The following GRAMD2A variants were observed in gnomAD, a reference collection of about 807,000 sequenced individuals.
GRAMD2A encodes the protein GRAM domain-containing protein 2A.
In GRAMD2A, 37 loss-of-function variants were observed where a neutral mutation model predicts 51.1. The ratio of observed to expected loss-of-function variants is 0.72; its 90% confidence interval spans 0.56 to 0.95. The LOEUF (loss-of-function observed/expected upper bound fraction) is 0.95. GRAMD2A is among the 40% of genes least tolerant of loss of function. The pLI, the probability that GRAMD2A is intolerant of heterozygous loss-of-function variation, is 0.00. For missense variants in GRAMD2A, 414 were observed against 426.9 expected, an observed-to-expected ratio of 0.97 and a Z score of 0.27; for synonymous variants, 136 against 157.1, an observed-to-expected ratio of 0.87 and a Z score of 1.01.
At chr15:72,183,909 G>T (rs2081716432) in intron 1 of GRAMD2A, among the ~76,000 whole-genome samples, 1 of 152,208 alleles carries the variant, frequency 6.6e-6, no homozygotes, top group Non-Finnish European at 1.5e-5. Context: ...CTGGGCCGGT[G>T]ACTGCATCCC....
Position 72,170,535 on chromosome 15 carries a change from T to A in GRAMD2A, c.42-596A>T, listed in dbSNP as rs532948844. On this transcript the variant is annotated intron_variant, in intron 1 of 11. Coordinates refer to ENST00000309731, the MANE Select transcript of GRAMD2A (RefSeq NM_001012642.3). This position sits in a 1 kb window ranked among gnomAD's most constrained non-coding sequence, Gnocchi z 4.5. ...GCCACCTTGGACAGTCAGGACAGCT[T>A]GATGATGAGAGCCAAACCATCTCAA... Among the ~76,000 whole-genome samples the A allele has an allele frequency of 6.6e-6, 1 of 152,184 alleles. No individual in the cohort carries two copies. Among genetic ancestry groups the A allele is most frequent in the African/African-American group, 2.4e-5 (1 of 41,512 alleles).
At chr15:72,183,431 C>T (rs1185861936) in intron 1 of GRAMD2A, among the ~76,000 whole-genome samples, 2 of 152,042 alleles carry the variant, frequency 1.3e-5, no homozygotes, top group East Asian at 3.9e-4. Flanking sequence ...AGGAGAATGG[C>T]GTGAACACGG....
intron 1 of GRAMD2A, among the ~76,000 whole-genome samples, chr15:72,183,674 A>T (rs182130588): frequency 1.1e-4 from 16 of 152,340 alleles, no homozygotes; most frequent in Admixed American, 1.0e-3. Flanking sequence ...TACTAAAAAA[A>T]ATAAATAAAT....
chr15:72,162,026 A>G lies in GRAMD2A; in HGVS notation c.1062-14T>C. ...AGTGGCTGTTACCTGCACACAGGAA[A>G]GATGTCCACATCAGGGAAAGGGCCC... is the stretch of plus-strand genomic sequence containing the variant. On this transcript the variant is annotated splice_polypyrimidine_tract_variant and intron_variant, in intron 11 of 11. Transcript: ENST00000309731. The G allele has an allele frequency of 6.2e-7, 1 of 1,614,144 alleles. No individual in the cohort carries two copies. The highest frequency in any genetic ancestry group is 8.5e-7 in the Non-Finnish European group (1 of 1,180,010).
At chr15:72,187,967 C>T (rs1236689216) in intron 1 of GRAMD2A, among the ~76,000 whole-genome samples, 2 of 152,116 alleles carry the variant, frequency 1.3e-5, no homozygotes, top group African/African-American at 4.8e-5. Context: ...TATGTGTAGA[C>T]ACCTGTCACA....
intron 1 of GRAMD2A, 23 bp from the exon 2 acceptor site, chr15:72,169,962 C>G: frequency 7.6e-6 from 12 of 1,574,536 alleles, no homozygotes; most frequent in Non-Finnish European, 8.7e-6. Context: ...AGGCCCATAT[C>G]AGGAAGGGGG....
chr15:72,167,666 A>T, intron 5 of GRAMD2A, 70 bp downstream of exon 5: 1 of 1,187,360 alleles, frequency 8.4e-7, no homozygotes, highest in African/African-American at 1.5e-5. Flanking sequence ...CATGACTTTG[A>T]GGCATGCCCG....
intron 1 of GRAMD2A, among the ~76,000 whole-genome samples, chr15:72,191,821 T>A (rs1345725773): frequency 6.6e-6 from 1 of 151,570 alleles, no homozygotes; most frequent in Non-Finnish European, 1.5e-5. Flanking sequence ...ACAAATAATT[T>A]GCAAGGAAAA....
intron 7 of GRAMD2A, among the ~76,000 whole-genome samples, chr15:72,165,684 A>G (rs1158456087): frequency 1.3e-5 from 2 of 151,632 alleles, no homozygotes; most frequent in East Asian, 3.9e-4. Flanking sequence ...GGAAGCAGCT[A>G]CGCGCTCCTA....
At chr15:72,186,455 G>T (rs1488887106) in intron 1 of GRAMD2A, among the ~76,000 whole-genome samples, 2 of 151,912 alleles carry the variant, frequency 1.3e-5, no homozygotes, top group Non-Finnish European at 2.9e-5. Context: ...CTCCCGAGTA[G>T]CTGGGACTAC....
rs1376915719 is a variant in GRAMD2A at position 72,163,471 on chromosome 15, A to C, written c.751T>G (p.Ser251Ala). The change falls in exon 10 of 12, where the codon TCA becomes GCA. Residue 251 changes from serine (S) to alanine (A), a missense_variant. Transcript: ENST00000309731. ...TTTTCTGAAGCTACTTGGGCTCTTG[A>C]CTTTTCTTTATGGATTGGGAGAAAA... is the stretch of plus-strand genomic sequence containing the variant. Reference protein sequence around the residue: ...PSRKPPMSEKSRAQVASENGG... With the variant: ...PSRKPPMSEKARAQVASENGG... The C allele has an allele frequency of 1.9e-6, 3 of 1,613,394 alleles. No individual in the cohort carries two copies. The highest frequency in any genetic ancestry group is 2.5e-6 in the Non-Finnish European group (3 of 1,179,704).
intron 1 of GRAMD2A, among the ~76,000 whole-genome samples, chr15:72,192,947 A>G (rs532761062): frequency 1.8e-4 from 27 of 152,176 alleles, no homozygotes; most frequent in Middle Eastern, 3.4e-3. Flanking sequence ...CAACATGCAG[A>G]AACCCCATCT....
chr15:72,162,433 G>A, intron 10 of GRAMD2A, 56 bp from the exon 11 acceptor site: 2 of 1,367,604 alleles, frequency 1.5e-6, no homozygotes, highest in Middle Eastern at 1.8e-4. Flanking sequence ...GAGCATTTCT[G>A]GAAGTTCACC....
chr15:72,172,267 C>G (rs1217375932), intron 1 of GRAMD2A, among the ~76,000 whole-genome samples: 1 of 151,776 alleles, frequency 6.6e-6, no homozygotes, highest in African/African-American at 2.4e-5. Context: ...TACAGGAATG[C>G]TCCACCATGC....
At chr15:72,184,900 C>G (rs2081724299) in intron 1 of GRAMD2A, among the ~76,000 whole-genome samples, 1 of 152,332 alleles carries the variant, frequency 6.6e-6, no homozygotes, top group Non-Finnish European at 1.5e-5. Flanking sequence ...AATCAACCGA[C>G]AAATCATAAA....
At chr15:72,176,283 C>G (rs1370297917) in intron 1 of GRAMD2A, among the ~76,000 whole-genome samples, 1 of 152,246 alleles carries the variant, frequency 6.6e-6, no homozygotes, top group Non-Finnish European at 1.5e-5. Context: ...GTGGCCAAGC[C>G]TGTGGCTGAT....
At chr15:72,195,083 T>G (rs534730414) in intron 1 of GRAMD2A, among the ~76,000 whole-genome samples, 2 of 152,260 alleles carry the variant, frequency 1.3e-5, no homozygotes, top group Admixed American at 6.5e-5. Context: ...GGCCCAAATT[T>G]TTTCACTCCA....
chr15:72,159,897 G>A lies in GRAMD2A; in HGVS notation c.*2112C>T, dbSNP rs570623597. 1.3e-5 allele frequency: 2 copies of A among 152,240 alleles called. No individual in the cohort carries two copies. The highest frequency in any genetic ancestry group is 4.8e-5 in the African/African-American group (2 of 41,538). The allele number at this position is 152,240 out of a possible 1,614,324, so 9.4% of individuals were successfully genotyped here. A position where few individuals can be genotyped will look rare whatever the true frequency, so the allele number is the denominator to read the frequency against. On this transcript the variant is annotated 3_prime_UTR_variant, in exon 12 of 12. Transcript: ENST00000309731. ...CCAAGGGTGGTTGAATCAAACTCAG[G>A]GAATTAGAGGAGCATCAGCCAATGC...
chr15:72,193,969 T>G (rs1050204314), intron 1 of GRAMD2A, among the ~76,000 whole-genome samples: 1 of 152,266 alleles, frequency 6.6e-6, no homozygotes, highest in Non-Finnish European at 1.5e-5. Context: ...TCAGGGAGGC[T>G]GTTACTTCTT....
Sources: allele counts gnomAD v4.1 joint callset (sites outside exome capture counted in the v4.1 genomes callset), GRCh38; gene constraint gnomAD v4.1.1; non-coding constraint Gnocchi (gnomAD v3.1); transcripts MANE v1.5; gene names NCBI Gene and HGNC (gene_info 2026-07-23, HGNC 2026-07-21).